The following TRPA1 variants were observed in gnomAD, a reference collection of about 807,000 sequenced individuals.
The protein encoded by TRPA1 is transient receptor potential cation channel subfamily A member 1.
A neutral mutation model predicts 131.3 loss-of-function variants in TRPA1; 129 were observed. The ratio of observed to expected loss-of-function variants is 0.98; its 90% CI spans 0.85 to 1.14. The LOEUF is 1.14. TRPA1 is among the 50% of genes most tolerant of loss of function. TRPA1 has a pLI of 0.00. For synonymous variants in TRPA1, 441 were observed against 451.7 expected, an observed-to-expected ratio of 0.98 and a Z score of 0.30; for missense variants, 1,304 against 1,354.2, an observed-to-expected ratio of 0.96 and a Z score of 0.58.
Position 72,033,781 on chromosome 8 carries a change from T to C in TRPA1, c.2731A>G (p.Met911Val). The change falls in exon 23 of 27, where the codon ATG becomes GTG. Residue 911 changes from methionine to valine, a missense_variant. Met to Val is a conservative substitution (Grantham distance 21, BLOSUM62 1). Transcript: ENST00000262209. ...CGATAATTGATATCTCCTAGCATCA[T>C]GCTGAAGGTCTGGATTATAGAAAGC... ...PLLSIIQTFS[M>V]MLGDINYRES... is the part of the protein sequence containing the mutation. 6.2e-7 allele frequency: 1 copy of C among 1,614,088 alleles called. No homozygotes were observed. Among genetic ancestry groups the C allele is most frequent in the Non-Finnish European group, 8.5e-7 (1 of 1,179,974 alleles).
At chr8:72,057,391 G>A (rs1169167862) in intron 9 of TRPA1, among the ~76,000 whole-genome samples, 3 of 152,168 alleles carry the variant, frequency 2.0e-5, no homozygotes, top group African/African-American at 4.8e-5. Context: ...AACAGGGAAA[G>A]TTATAGTACC....
intron 7 of TRPA1, chr8:72,060,564 G>A (rs1013722199): frequency 5.9e-5 from 9 of 151,860 alleles, no homozygotes; most frequent in Non-Finnish European, 8.8e-5. Context: ...ACAATCTTAC[G>A]TTATCTTCAT....
intron 5 of TRPA1, among the ~76,000 whole-genome samples, 156 bp downstream of exon 5, chr8:72,063,307 A>G (rs1394253886): frequency 6.6e-6 from 1 of 151,996 alleles, no homozygotes; most frequent in East Asian, 1.9e-4. Flanking sequence ...TTGAACCTGG[A>G]AGGCTGAAGT....
At chr8:72,037,831 GA>G in intron 20 of TRPA1, 151 bp downstream of exon 20, 1 of 609,770 alleles carries the variant, frequency 1.6e-6, no homozygotes, top group East Asian at 2.9e-5. Flanking sequence ...TCTACATTTT[GA>G]AACATTTATG....
the TRPA1 span, among the ~76,000 whole-genome samples, chr8:72,081,561 CTATT>C: frequency 6.6e-6 from 1 of 151,822 alleles, no homozygotes; most frequent in East Asian, 1.9e-4. Flanking sequence ...TAGTGATTTT[CTATT>C]TATTATGTTA....
chr8:72,068,149 G>T (rs1805974681), intron 3 of TRPA1, among the ~76,000 whole-genome samples: 1 of 152,192 alleles, frequency 6.6e-6, no homozygotes, highest in Non-Finnish European at 1.5e-5. Context: ...AGCCTCAGAG[G>T]GCTGAGAGAA....
rs549282830 is a variant in TRPA1, at chr8:72,063,507, G to A, written c.617C>T (p.Ala206Val). The change falls in exon 5 of 27, where the codon GCA becomes GTA. Residue 206 changes from alanine (A) to valine (V), a missense_variant. By Grantham distance (64) the Ala-to-Val change is moderately conservative. Transcript: ENST00000262209. Reference protein sequence around the residue: ...KWGCFPIHQAAFSGSKECMEI... With the variant: ...KWGCFPIHQAVFSGSKECMEI... ...CATGCATTCTTTGGAACCTGAAAAT[G>A]CAGCTTGGTGAATAGGGAAACATCC... 4.7e-5 allele frequency: 76 copies of A among 1,613,850 alleles called. No individual in the cohort carries two copies. In the South Asian group the frequency reaches 7.8e-4, roughly 17 times the overall value.
chr8:72,084,934 C>T, the TRPA1 span, among the ~76,000 whole-genome samples: 1 of 151,972 alleles, frequency 6.6e-6, no homozygotes, highest in African/African-American at 2.4e-5. Flanking sequence ...ACAAACCTGA[C>T]CTCAGCACCC....
chr8:72,057,711 T>C lies in TRPA1; in HGVS notation c.1093+6A>G. 2 of 1,610,202 alleles carry C rather than the reference T, an allele frequency of 1.2e-6. No homozygotes were observed. Among genetic ancestry groups the C allele is most frequent in the Non-Finnish European group, 1.7e-6 (2 of 1,176,712 alleles). On this transcript the variant is annotated splice_donor_region_variant and intron_variant, in intron 9 of 26. Coordinates refer to ENST00000262209, the MANE Select transcript of TRPA1 (RefSeq NM_007332.3). ...TCAAAAGACTTGGCTTGTTCCCTCT[T>C]GGTACCTTTAGAGAGTAGCAAATTT...
In TRPA1 at chr8:72,062,799, C is replaced by T; in HGVS notation, c.807G>A (p.Glu269=). Residue 269 remains glutamate (E), a splice_region_variant and synonymous_variant, in exon 6 of 27, where the codon GAG becomes GAA. Coordinates refer to ENST00000262209, the MANE Select transcript of TRPA1 (RefSeq NM_007332.3). ...TGTTATATAGAATATGAAGAGTTACCTCCACTGGGTCTATTTGTGCACCAT... is the reference window on the plus strand; with the variant it reads ...TGTTATATAGAATATGAAGAGTTACTTCCACTGGGTCTATTTGTGCACCAT... The part of the protein sequence containing the change: ...LDNGAQIDPV[E]KGRCTAIHFA... 1 of 1,613,692 alleles carries T rather than the reference C, an allele frequency of 6.2e-7. No individual in the cohort carries two copies. The highest frequency in any genetic ancestry group is 8.5e-7 in the Non-Finnish European group (1 of 1,179,820).
At chr8:72,050,582 C>T (rs192791932) in intron 15 of TRPA1, among the ~76,000 whole-genome samples, 196 bp downstream of exon 15, 1 of 152,142 alleles carries the variant, frequency 6.6e-6, no homozygotes, top group Admixed American at 6.6e-5. Flanking sequence ...CCATATTATT[C>T]TCTATTACAT....
chr8:72,029,994 C>G, intron 23 of TRPA1, 25 bp from the exon 24 acceptor site: 1 of 1,604,482 alleles, frequency 6.2e-7, no homozygotes, highest in East Asian at 2.2e-5. Flanking sequence ...AAAATTAAAT[C>G]ACTACAGTTG....
In TRPA1 at chr8:72,049,412, G is replaced by C. The variant is rs190489604; in HGVS notation, c.1905+1366C>G. 2.0e-3 allele frequency among the ~76,000 whole-genome samples: 302 copies of C among 152,132 alleles called. 3 individuals are homozygous for C. The highest frequency in any genetic ancestry group is 6.8e-3 in the African/African-American group (281 of 41,522). On this transcript the variant is annotated intron_variant, in intron 15 of 26. Coordinates refer to ENST00000262209, the MANE Select transcript of TRPA1 (RefSeq NM_007332.3). The stretch of plus-strand genomic sequence containing the variant: ...AGGCAGCACCAGGATTAAATCCCAG[G>C]ACCTCCAGAAGGCTCCAAATCTGGT...
chr8:72,047,291 A>G, intron 15 of TRPA1, 84 bp from the exon 16 acceptor site: 1 of 991,858 alleles, frequency 1.0e-6, no homozygotes. Flanking sequence ...GAAATAATAC[A>G]CAAGACATTC....
In TRPA1 at chr8:72,075,361, G is replaced by T; in HGVS notation, c.49C>A (p.Pro17Thr). 7 of 1,612,336 alleles carry T rather than the reference G, an allele frequency of 4.3e-6. No individual in the cohort carries two copies. Among genetic ancestry groups the T allele is most frequent in the Non-Finnish European group, 5.1e-6 (6 of 1,179,840 alleles). The change falls in exon 1 of 27, where the codon CCC (proline) becomes ACC (threonine). Residue 17 changes from proline (P) to threonine (T), a missense_variant. Pro to Thr is a conservative substitution (Grantham distance 38). Coordinates refer to ENST00000262209, the MANE Select transcript of TRPA1 (RefSeq NM_007332.3). ...ACATCCTCATAGACAACGCCCTGGG[G>T]CTCCTTCTTTTCTCCAGGGCGCCAC... Reference protein sequence around the residue: ...KMWRPGEKKEPQGVVYEDVPD... With the variant: ...KMWRPGEKKETQGVVYEDVPD...
intron 13 of TRPA1, 195 bp downstream of exon 13, chr8:72,053,558 C>T (rs1805582057): frequency 9.9e-6 from 6 of 605,540 alleles, no homozygotes; most frequent in African/African-American, 1.8e-5. Context: ...CCAACATTCA[C>T]CCACCCCTTG....
upstream of TRPA1, among the ~76,000 whole-genome samples, chr8:72,079,857 A>G (rs937284019): frequency 4.6e-5 from 7 of 151,906 alleles, no homozygotes; most frequent in African/African-American, 1.7e-4. Flanking sequence ...GTAGTTTTCT[A>G]TGTACAGTTC....
chr8:72,047,281 G>T, intron 15 of TRPA1, 74 bp from the exon 16 acceptor site: 2 of 1,083,772 alleles, frequency 1.8e-6, no homozygotes, highest in Non-Finnish European at 2.8e-6. Flanking sequence ...TCCTATTTCT[G>T]AAATAATACA....
intron 15 of TRPA1, among the ~76,000 whole-genome samples, chr8:72,050,275 T>G (rs1805467618): frequency 6.6e-6 from 1 of 152,100 alleles, no homozygotes; most frequent in African/African-American, 2.4e-5. Context: ...AGAGTGATTG[T>G]CCCATCCATG....
Sources: gnomAD v4.1 joint callset for allele counts (sites outside exome capture counted in the v4.1 genomes callset) on GRCh38, gnomAD v4.1.1 for gene constraint, MANE v1.5 for transcripts, NCBI Gene and HGNC (gene_info 2026-07-23, HGNC 2026-07-21) for gene names.